Variants in SLC39A12 observed in about 807,000 individuals in gnomAD.
SLC39A12 encodes solute carrier family 39 member 12.
In SLC39A12, 63 loss-of-function variants were observed where a neutral mutation model predicts 71.1. The observed-to-expected ratio is 0.89, with a 90% CI of 0.72 to 1.09. The LOEUF is 1.09. Among genes scored for constraint, SLC39A12 ranks in the 50% least tolerant of loss-of-function variants. The probability of loss-of-function intolerance (pLI) is 0.00; values close to 1 mark genes in which losing one functional copy is unlikely to be tolerated. For missense variants in SLC39A12, 892 were observed against 812.6 expected (o/e 1.10, Z -1.19); for synonymous variants, 351 against 301.3 (o/e 1.16, Z -1.71).
intron 12 of SLC39A12, 44 bp from the exon 13 acceptor site, chr10:18,042,661 T>G (rs569444216): frequency 1.3e-6 from 2 of 1,565,126 alleles, no homozygotes; most frequent in Admixed American, 4.0e-5. Context: ...TCCCAGCAGT[T>G]GAATATATCT....
At chr10:17,955,593 A>G (rs571867025) in intron 2 of SLC39A12, among the ~76,000 whole-genome samples, 10 of 152,306 alleles carry the variant, frequency 6.6e-5, no homozygotes, top group African/African-American at 2.4e-4. Flanking sequence ...TACAAATTCT[A>G]TCGTAAAAAG....
chr10:17,997,206 GC>G (rs1835711517), intron 10 of SLC39A12, among the ~76,000 whole-genome samples: 1 of 152,210 alleles, frequency 6.6e-6, no homozygotes, highest in South Asian at 2.1e-4. Context: ...AATAAAATAA[GC>G]ATGATCTTTA....
intron 2 of SLC39A12, among the ~76,000 whole-genome samples, chr10:17,955,173 T>C (rs1834509521): frequency 6.6e-6 from 1 of 152,170 alleles, no homozygotes; most frequent in Non-Finnish European, 1.5e-5. Context: ...AAGGTAAATA[T>C]GCAAAATTGT....
At chr10:17,974,962 G>A (rs1277994389) in intron 4 of SLC39A12, among the ~76,000 whole-genome samples, 2 of 152,144 alleles carry the variant, frequency 1.3e-5, no homozygotes, top group Non-Finnish European at 2.9e-5. Flanking sequence ...AGCTGAATTG[G>A]CACTCGAATC....
intron 12 of SLC39A12, among the ~76,000 whole-genome samples, chr10:18,027,022 G>T (rs1589255006): frequency 6.6e-6 from 1 of 152,072 alleles, no homozygotes; most frequent in African/African-American, 2.4e-5. Context: ...TTTTGATTCT[G>T]ATGGTTGTTC....
intron 10 of SLC39A12, 29 bp downstream of exon 10, chr10:17,995,751 G>A: frequency 6.3e-7 from 1 of 1,577,778 alleles, no homozygotes; most frequent in Non-Finnish European, 8.7e-7. Flanking sequence ...TTTACATGTG[G>A]AAAGTGCCAT....
chr10:18,006,553 A>G (rs1926742), intron 12 of SLC39A12, among the ~76,000 whole-genome samples: 115,297 of 152,144 alleles, frequency 0.76, 44,697 homozygotes, highest in African/African-American at 0.93. Flanking sequence ...GAAGTGAAGG[A>G]CCGGCAAACT....
intron 12 of SLC39A12, among the ~76,000 whole-genome samples, chr10:18,027,271 G>T (rs1373500344): frequency 6.6e-6 from 1 of 152,172 alleles, no homozygotes; most frequent in Non-Finnish European, 1.5e-5. Flanking sequence ...AAGTAAGACA[G>T]CATGGCTAGA....
intron 4 of SLC39A12, among the ~76,000 whole-genome samples, chr10:17,967,349 A>G (rs1276680678): frequency 1.3e-5 from 2 of 152,210 alleles, no homozygotes; most frequent in East Asian, 3.8e-4. Flanking sequence ...GTTAAAAGCT[A>G]TTGATGATAG....
intron 11 of SLC39A12, 140 bp downstream of exon 11, chr10:18,000,965 A>G: frequency 3.5e-6 from 3 of 867,036 alleles, no homozygotes; most frequent in Non-Finnish European, 5.2e-6. Flanking sequence ...TTAAACCATA[A>G]GAAGAGGAGG....
chr10:18,024,401 A>T (rs1300230432), intron 12 of SLC39A12, among the ~76,000 whole-genome samples: 5 of 152,084 alleles, frequency 3.3e-5, no homozygotes, highest in Non-Finnish European at 7.4e-5. Flanking sequence ...AGGGTTGCAT[A>T]GGTCCATGGA....
intron 10 of SLC39A12, among the ~76,000 whole-genome samples, chr10:17,996,131 G>T (rs1050042269): frequency 6.6e-6 from 1 of 152,102 alleles, no homozygotes; most frequent in South Asian, 2.1e-4. Flanking sequence ...TCACAAATGC[G>T]TCTTATTTAT....
chr10:18,037,628 C>T (rs779811951), intron 12 of SLC39A12, among the ~76,000 whole-genome samples: 14 of 151,900 alleles, frequency 9.2e-5, no homozygotes, highest in Admixed American at 3.3e-4. Context: ...TAAGAAAGGA[C>T]GTGATAAATA....
intron 4 of SLC39A12, among the ~76,000 whole-genome samples, chr10:17,967,886 CAAAAA>C (rs1175508363): frequency 7.6e-6 from 1 of 131,452 alleles, no homozygotes; most frequent in African/African-American, 2.9e-5. Flanking sequence ...GACTCCGCCT[CAAAAA>C]AAAAAAAATA....
intron 4 of SLC39A12, among the ~76,000 whole-genome samples, chr10:17,968,115 A>G (rs1187263310): frequency 7.0e-6 from 1 of 142,856 alleles, no homozygotes; most frequent in Non-Finnish European, 1.5e-5. Context: ...GGTTAATTTT[A>G]TAACCTGCTT....
chr10:17,986,446 G>A (rs1048310056), intron 6 of SLC39A12, among the ~76,000 whole-genome samples: 4 of 152,128 alleles, frequency 2.6e-5, no homozygotes, highest in African/African-American at 7.2e-5. Flanking sequence ...CAGCAGATTC[G>A]GCATCTGGTG....
intron 2 of SLC39A12, among the ~76,000 whole-genome samples, chr10:17,957,856 T>C (rs1834588789): frequency 6.6e-6 from 1 of 152,304 alleles, no homozygotes; most frequent in South Asian, 2.1e-4. Flanking sequence ...ATTCAAATAT[T>C]ATAAAAGGGA....
chr10:17,969,165 C>A (rs1027662003), intron 4 of SLC39A12, among the ~76,000 whole-genome samples: 3 of 152,126 alleles, frequency 2.0e-5, no homozygotes, highest in African/African-American at 7.2e-5. Context: ...TGTATATGTA[C>A]CACATTTTCT....
intron 12 of SLC39A12, among the ~76,000 whole-genome samples, chr10:18,036,788 A>ATTTTT (rs1319675306): frequency 7.6e-4 from 13 of 17,006 alleles, no homozygotes; most frequent in South Asian, 1.9e-3. Context: ...ATATATATAT[A>ATTTTT]TATATATTTT....
Sources: allele counts gnomAD v4.1 joint callset (sites outside exome capture counted in the v4.1 genomes callset), GRCh38; gene constraint gnomAD v4.1.1; transcripts MANE v1.5; gene names NCBI Gene and HGNC (gene_info 2026-07-23, HGNC 2026-07-21).